HLCS: variants seen among roughly 807,000 people sequenced by gnomAD.
HLCS encodes the protein biotin--protein ligase.
A neutral mutation model predicts 75.0 loss-of-function variants in HLCS; 53 were observed. The observed-to-expected ratio is 0.71, with a 90% confidence interval of 0.57 to 0.89. The LOEUF is 0.89. Ranked by LOEUF, HLCS falls within the 40% of genes least tolerant of loss-of-function variation. The pLI is 0.00. For synonymous variants in HLCS, 431 were observed against 428.6 expected (o/e 1.01, Z -0.07); for missense variants, 966 against 1,074.0 (o/e 0.90, Z 1.41).
intron 6 of HLCS, among the ~76,000 whole-genome samples, chr21:36,847,363 T>C (rs897146825): frequency 6.6e-6 from 1 of 152,146 alleles, no homozygotes; most frequent in African/African-American, 2.4e-5. Flanking sequence ...ATCATCTGAG[T>C]TCTAGCACAG....
intron 9 of HLCS, among the ~76,000 whole-genome samples, chr21:36,758,815 T>C (rs1446564064): frequency 6.6e-6 from 1 of 152,046 alleles, no homozygotes; most frequent in Non-Finnish European, 1.5e-5. Context: ...ACCCTGTGTC[T>C]ACTAAAAATA....
intron 9 of HLCS, among the ~76,000 whole-genome samples, chr21:36,758,948 C>A (rs1049152442): frequency 6.6e-5 from 10 of 151,132 alleles, no homozygotes; most frequent in Non-Finnish European, 1.3e-4. Context: ...TGCACCACTG[C>A]ATTCCAGCCC....
chr21:36,959,139 A>C (rs529430978), intron 2 of HLCS, among the ~76,000 whole-genome samples: 1 of 152,342 alleles, frequency 6.6e-6, no homozygotes, highest in East Asian at 1.9e-4. Flanking sequence ...CAGGGGTCCC[A>C]GAGGCCCCCG....
Position 36,985,283 on chromosome 21 carries a change from T to C in HLCS, c.-393+4875A>G, listed in dbSNP as rs192357201. Among the ~76,000 whole-genome samples, 645 of 152,398 alleles carry C rather than the reference T, an allele frequency of 4.2e-3. 6 individuals are homozygous for C. Among genetic ancestry groups the C allele is most frequent in the African/African-American group, 0.015 (622 of 41,596 alleles). Reference sequence around the variant, plus strand: ...ATGTCATTTAGCTGCCATGTCTCTTTATTCCCTTTTAATCTGGAATAGTTC... The same window carrying C: ...ATGTCATTTAGCTGCCATGTCTCTTCATTCCCTTTTAATCTGGAATAGTTC... On this transcript the variant is annotated intron_variant, in intron 1 of 11. Transcript: ENST00000336648.
At chr21:36,820,368 C>A (rs577233427) in intron 6 of HLCS, among the ~76,000 whole-genome samples, 1 of 146,750 alleles carries the variant, frequency 6.8e-6, no homozygotes, top group Non-Finnish European at 1.5e-5. Context: ...TGCCCAGCCA[C>A]GGCCGGGCCG....
intron 6 of HLCS, among the ~76,000 whole-genome samples, chr21:36,849,089 C>T (rs998297070): frequency 6.6e-5 from 10 of 152,100 alleles, no homozygotes; most frequent in East Asian, 3.8e-4. Context: ...AAAATAATAA[C>T]GCATATATTG....
chr21:36,754,558 G>C (rs1361506858), intron 10 of HLCS, 141 bp from the exon 11 acceptor site: 1 of 833,230 alleles, frequency 1.2e-6, no homozygotes, highest in Non-Finnish European at 2.0e-6. Flanking sequence ...AGGCAGCCTG[G>C]GCTGAGCTCT....
intron 6 of HLCS, among the ~76,000 whole-genome samples, chr21:36,824,650 G>A (rs919227089): frequency 6.6e-6 from 1 of 152,160 alleles, no homozygotes; most frequent in Admixed American, 6.5e-5. Context: ...GGCAATTTCT[G>A]CTTTTTCTAG....
intron 5 of HLCS, among the ~76,000 whole-genome samples, chr21:36,926,169 T>C (rs1217145421): frequency 1.3e-5 from 2 of 152,134 alleles, no homozygotes; most frequent in Non-Finnish European, 2.9e-5. Flanking sequence ...CCCATATATA[T>C]GGTCTTGGAG....
intron 5 of HLCS, among the ~76,000 whole-genome samples, chr21:36,912,992 T>G (rs2065785082): frequency 6.6e-6 from 1 of 152,200 alleles, no homozygotes; most frequent in Non-Finnish European, 1.5e-5. Context: ...GGCACCCACT[T>G]AGCTACAACA....
rs2089478015 is a variant in HLCS at position 36,754,393 on chromosome 21, G to A, written c.2475C>T (p.Ser825=). The A allele has an allele frequency of 3.7e-6, 6 of 1,613,376 alleles. No individual in the cohort carries two copies. Among genetic ancestry groups the A allele is most frequent in the Non-Finnish European group, 5.1e-6 (6 of 1,179,932 alleles). The change falls in exon 11 of 11, where the codon AGC becomes AGT. Residue 825 remains serine, a synonymous_variant. Coordinates refer to ENST00000674895, the MANE Select transcript of HLCS (RefSeq NM_001352514.2). The part of the protein sequence containing the change: ...VHSGQQVHLG[S]AEGPKVSIVG... ...CGATGGACACCTTTGGTCCCTCTGC[G>A]CTGCCCAGATGGACTTGCTGACCAC...
chr21:36,920,290 G>A (rs1167798305), intron 5 of HLCS, among the ~76,000 whole-genome samples: 1 of 150,530 alleles, frequency 6.6e-6, no homozygotes, highest in South Asian at 2.1e-4. Context: ...CCATGATCAT[G>A]CCACTGCACT....
chr21:36,960,513 T>C (rs2068236053), intron 2 of HLCS, among the ~76,000 whole-genome samples: 1 of 152,242 alleles, frequency 6.6e-6, no homozygotes, highest in Non-Finnish European at 1.5e-5. Context: ...ATCTGCCTGA[T>C]GCTCTGCCCG....
At chr21:36,800,738 C>T (rs531032818) in intron 6 of HLCS, among the ~76,000 whole-genome samples, 17 of 152,166 alleles carry the variant, frequency 1.1e-4, no homozygotes, top group Non-Finnish European at 2.2e-4. Flanking sequence ...ATGTTTGCTT[C>T]ACTTCAAGTA....
intron 6 of HLCS, among the ~76,000 whole-genome samples, chr21:36,823,869 C>T (rs148900600): frequency 6.6e-6 from 1 of 152,260 alleles, no homozygotes; most frequent in Non-Finnish European, 1.5e-5. Context: ...ATTTGTTGTC[C>T]TCATAGGTTC....
intron 6 of HLCS, among the ~76,000 whole-genome samples, chr21:36,872,322 C>T (rs1296935292): frequency 2.7e-5 from 4 of 148,208 alleles, no homozygotes; most frequent in Admixed American, 1.4e-4. Context: ...ACTCGGGAGG[C>T]GGAGTTTGCA....
At chr21:36,863,837 TG>T (rs560901004) in intron 6 of HLCS, among the ~76,000 whole-genome samples, 640 of 1,426 alleles carry the variant, frequency 0.45, 9 homozygotes, top group Middle Eastern at 0.5. Context: ...GATGCTGTGG[TG>T]TTGGAACTCA....
chr21:36,880,954 T>TTTTGTTTG lies in HLCS; in HGVS notation c.1892+15898_1892+15905dup, dbSNP rs146652378. The stretch of plus-strand genomic sequence containing the variant: ...GTTGGAAGCGATGCCAGCAGAGAGT[T>TTTTGTTTG]TTTGTTTGTTTGTTTGTTTGTTTGT... On this transcript the variant is annotated intron_variant, in intron 6 of 10. Transcript: ENST00000674895. Among the ~76,000 whole-genome samples the TTTTGTTTG allele has an allele frequency of 4.7e-3, 710 of 150,204 alleles. 3 individuals are homozygous for TTTTGTTTG. The highest frequency in any genetic ancestry group is 0.013 in the African/African-American group (533 of 40,592).
chr21:36,941,379 T>G (rs1012350956), intron 2 of HLCS, among the ~76,000 whole-genome samples: 4 of 152,198 alleles, frequency 2.6e-5, no homozygotes, highest in Non-Finnish European at 5.9e-5. Context: ...CTCTTTCCTT[T>G]AAAAATTACC....
Sources: allele counts gnomAD v4.1 joint callset (sites outside exome capture counted in the v4.1 genomes callset), GRCh38; gene constraint gnomAD v4.1.1; transcripts MANE v1.5; gene names NCBI Gene and HGNC (gene_info 2026-07-23, HGNC 2026-07-21).